C5orf34: variants seen among roughly 807,000 people sequenced by gnomAD.
C5orf34 encodes uncharacterized protein C5orf34.
Under a neutral mutation model 78.4 loss-of-function variants are expected in C5orf34, and 73 were observed. The ratio of observed to expected loss-of-function variants is 0.93; its 90% confidence interval spans 0.77 to 1.13. C5orf34 has a LOEUF of 1.13. Ranked by LOEUF, C5orf34 falls within the 50% of genes most tolerant of loss-of-function variation. The pLI is 0.00. For missense variants in C5orf34, 730 were observed against 732.7 expected (o/e 1.00, Z 0.04); for synonymous variants, 251 against 246.6 (o/e 1.02, Z -0.17).
At chr5:43,493,436 A>C (rs1247610905) in intron 8 of C5orf34, 107 bp downstream of exon 8, 1 of 685,386 alleles carries the variant, frequency 1.5e-6, no homozygotes, top group African/African-American at 1.9e-5. Flanking sequence ...TTAATGTTAC[A>C]AGAATTTCTC....
At chr5:43,506,983 T>G (rs975064794) in intron 3 of C5orf34, among the ~76,000 whole-genome samples, 2 of 152,188 alleles carry the variant, frequency 1.3e-5, no homozygotes, top group Non-Finnish European at 2.9e-5. Flanking sequence ...TTATTTAAAC[T>G]AGTACTAGAA....
chr5:43,514,886 C>T lies in C5orf34; in HGVS notation c.-117G>A, dbSNP rs1288342703. On this transcript the variant is annotated 5_prime_UTR_variant, in exon 1 of 13. Coordinates refer to ENST00000306862, the MANE Select transcript of C5orf34 (RefSeq NM_198566.4). ...TGATTTGCCAAAATGCTCTGGAAGCCGCAGCGTCGGCGCCTGCCCACCACT... is the reference window on the plus strand; with the variant it reads ...TGATTTGCCAAAATGCTCTGGAAGCTGCAGCGTCGGCGCCTGCCCACCACT... 6.6e-6 allele frequency: 1 copy of T among 152,124 alleles called. No individual in the cohort carries two copies. Among genetic ancestry groups the T allele is most frequent in the Non-Finnish European group, 1.5e-5 (1 of 68,028 alleles). The allele number at this position is 152,124 out of a possible 1,614,324, so 9.4% of individuals were successfully genotyped here. A position where few individuals can be genotyped will look rare whatever the true frequency, so the allele number is the denominator to read the frequency against.
chr5:43,492,625 A>G, intron 9 of C5orf34, 95 bp downstream of exon 9: 4 of 1,106,516 alleles, frequency 3.6e-6, no homozygotes, highest in Non-Finnish European at 5.3e-6. Context: ...TTATACTTCA[A>G]AAAATGAACT....
rs368628339 is a variant in C5orf34 at position 43,509,157 on chromosome 5, A to G, written c.183T>C (p.Ile61=). Residue 61 remains isoleucine (I), a synonymous_variant, in exon 2 of 13, where the codon ATT becomes ATC. Transcript: ENST00000306862. ...ERIRQRTHFV[I]STYREQLQRA... is the part of the protein sequence containing the mutation. ...TATCTTTACTTACTCTGTAAGTGCT[A>G]ATGACAAAATGTGTCCTTTGACGAA... 1.2e-5 allele frequency: 20 copies of G among 1,612,606 alleles called. No homozygotes were observed. The African/African-American group carries it at 2.4e-4, about 19-fold the overall frequency.
In C5orf34 at chr5:43,503,763, G is replaced by A. The variant is rs1463515874; in HGVS notation, c.933-3C>T. On this transcript the variant is annotated splice_region_variant and splice_polypyrimidine_tract_variant and intron_variant, in intron 4 of 12. Transcript: ENST00000306862. The stretch of plus-strand genomic sequence containing the variant: ...AAAGTGAATCACAAAAATTCCACCT[G>A]TGAAGGATAAAATACAAGCTATTAC... 3.8e-6 allele frequency: 6 copies of A among 1,594,288 alleles called. No homozygotes were observed. Among genetic ancestry groups the A allele is most frequent in the African/African-American group, 1.3e-5 (1 of 74,638 alleles).
intron 1 of C5orf34, among the ~76,000 whole-genome samples, chr5:43,511,457 G>A (rs1160838065): frequency 3.3e-5 from 5 of 149,816 alleles, no homozygotes; most frequent in Admixed American, 6.6e-5. Flanking sequence ...GAGGTGGGGG[G>A]CGCCTCTGCC....
At chr5:43,509,824 C>T (rs554763812) in intron 1 of C5orf34, among the ~76,000 whole-genome samples, 45 of 151,546 alleles carry the variant, frequency 3.0e-4, no homozygotes, top group Non-Finnish European at 5.5e-4. Context: ...GGTGTGATCT[C>T]GGCTCACTGT....
At chr5:43,503,197 T>TGTCC (rs932873382) in intron 5 of C5orf34, among the ~76,000 whole-genome samples, 5 of 152,124 alleles carry the variant, frequency 3.3e-5, no homozygotes, top group African/African-American at 1.2e-4. Flanking sequence ...TGTTGTGGGG[T>TGTCC]ATGGATAATT....
chr5:43,510,462 CTCTT>C (rs1230650846), intron 1 of C5orf34, among the ~76,000 whole-genome samples: 1 of 152,150 alleles, frequency 6.6e-6, no homozygotes, highest in East Asian at 1.9e-4. Flanking sequence ...CCCTCTCCCT[CTCTT>C]TCTACGGTCT....
At chr5:43,487,661 A>G (rs1480943408) in intron 12 of C5orf34, among the ~76,000 whole-genome samples, 1 of 152,148 alleles carries the variant, frequency 6.6e-6, no homozygotes, top group Non-Finnish European at 1.5e-5. Flanking sequence ...AAGTCTCCAA[A>G]GGAGACCTTA....
chr5:43,492,298 AC>A lies in C5orf34; in HGVS notation c.1496del (p.Gly499ValfsTer4), dbSNP rs747036823. On this transcript the variant is annotated frameshift_variant, in exon 10 of 13. Transcript: ENST00000306862. LOFTEE classifies it high-confidence loss of function. Reference protein sequence around the residue: ...SPIEKRQVNQGLNLGWCKLTF... With the variant: ...SPIEKRQVNQXLNLGWCKLTF... ...TTAACTTACACCAACCTAAGTTAAG[AC>A]CTTGATTTACCTGAAGAAGTAGAAA... is the stretch of plus-strand genomic sequence containing the variant. The A allele has an allele frequency of 1.3e-6, 2 of 1,595,564 alleles. No homozygotes were observed. The highest frequency in any genetic ancestry group is 2.2e-5 in the East Asian group (1 of 44,664).
chr5:43,496,572 GTTTTT>G, intron 6 of C5orf34: 1 of 628,826 alleles, frequency 1.6e-6, no homozygotes, highest in Non-Finnish European at 2.3e-6. Context: ...TCATTCAAAA[GTTTTT>G]TTTAATTTTT....
chr5:43,508,875 C>G (rs1021259800), intron 2 of C5orf34, among the ~76,000 whole-genome samples: 17 of 152,180 alleles, frequency 1.1e-4, no homozygotes, highest in African/African-American at 3.1e-4. Context: ...GGGAGGATTA[C>G]TTGAGGCCAG....
chr5:43,487,206 C>G (rs1022630658), intron 12 of C5orf34, 95 bp from the exon 13 acceptor site: 8 of 584,994 alleles, frequency 1.4e-5, no homozygotes, highest in Non-Finnish European at 2.0e-5. Context: ...AAATATTTCT[C>G]AGCTGGAAGA....
chr5:43,499,233 T>C (rs1337260665), intron 6 of C5orf34, among the ~76,000 whole-genome samples: 1 of 152,212 alleles, frequency 6.6e-6, no homozygotes, highest in Non-Finnish European at 1.5e-5. Context: ...AAGCCAGCCA[T>C]GCAAACAATT....
chr5:43,492,607 G>T, intron 9 of C5orf34, 113 bp downstream of exon 9: 3 of 919,238 alleles, frequency 3.3e-6, no homozygotes, highest in Non-Finnish European at 5.0e-6. Context: ...AAAGCTTCTT[G>T]ACAGATTTTA....
chr5:43,509,208 T>G lies in C5orf34; in HGVS notation c.132A>C (p.Ala44=). 10 of 1,614,208 alleles carry G rather than the reference T, an allele frequency of 6.2e-6. No homozygotes were observed. The highest frequency in any genetic ancestry group is 8.5e-6 in the Non-Finnish European group (10 of 1,180,028). Residue 44 remains alanine, a synonymous_variant, in exon 2 of 13, where the codon GCA becomes GCC. Transcript: ENST00000306862. ...TTCTTTCTGGTTGTTCTAAAGGATGTGCTGAAACAGGTGGTGACTTTTCAA... is the reference window on the plus strand; with the variant it reads ...TTCTTTCTGGTTGTTCTAAAGGATGGGCTGAAACAGGTGGTGACTTTTCAA... ...FLFEKSPPVS[A]HPLEQPERIR... is the part of the protein sequence containing the mutation.
Position 43,509,350 on chromosome 5 carries a change from G to A in C5orf34, c.-11C>T, listed in dbSNP as rs771908338. 2.1e-6 allele frequency: 3 copies of A among 1,457,258 alleles called. No homozygotes were observed. The highest frequency in any genetic ancestry group is 2.3e-5 in the Admixed American group (1 of 43,212). The allele number at this position is 1,457,258 out of a possible 1,614,324, so 90.3% of individuals were successfully genotyped here. ...CAGTTCAGCTGCCATTACAACGGCA[G>A]GATAAGATATCTTCTAAGTCAAAGA... is the stretch of plus-strand genomic sequence containing the variant. On this transcript the variant is annotated 5_prime_UTR_variant, in exon 2 of 13. Transcript: ENST00000306862.
Position 43,492,875 on chromosome 5 carries a change from C to T in C5orf34, c.1330G>A (p.Asp444Asn), listed in dbSNP as rs1336382422. The T allele has an allele frequency of 1.3e-6, 2 of 1,595,128 alleles. No homozygotes were observed. Among genetic ancestry groups the T allele is most frequent in the African/African-American group, 1.3e-5 (1 of 74,230 alleles). Residue 444 changes from aspartate (D) to asparagine (N), a missense_variant, in exon 9 of 13, where the codon GAT (aspartate) becomes AAT (asparagine). Asp to Asn is a conservative substitution (Grantham distance 23). Coordinates refer to ENST00000306862, the MANE Select transcript of C5orf34 (RefSeq NM_198566.4). ...AAAACCAAAGGCAGTATATTGCTAT[C>T]ATTTATCCCAGGTACCTAAAACCAA... ...CCWKMVPGIN[D>N]SNILPLVLKE...
Sources: allele counts gnomAD v4.1 joint callset (sites outside exome capture counted in the v4.1 genomes callset), GRCh38; gene constraint gnomAD v4.1.1; transcripts MANE v1.5; gene names NCBI Gene and HGNC (gene_info 2026-07-23, HGNC 2026-07-21).